SAMD8: variants seen among roughly 807,000 people sequenced by gnomAD.
The protein encoded by SAMD8 is sphingomyelin synthase-related protein 1.
A neutral mutation model predicts 42.0 loss-of-function variants in SAMD8; 20 were observed. That is an observed-to-expected ratio of 0.48 (90% CI 0.34 to 0.69). The LOEUF (loss-of-function observed/expected upper bound fraction) is 0.69. Among genes scored for constraint, SAMD8 ranks in the 30% least tolerant of loss-of-function variants. SAMD8 has a pLI of 0.01. For missense variants in SAMD8, 328 were observed against 511.6 expected, an observed-to-expected ratio of 0.64 and a Z score of 3.46; for synonymous variants, 162 against 173.0, an observed-to-expected ratio of 0.94 and a Z score of 0.50.
At chr10:75,113,608 C>T (rs530722007) in intron 1 of SAMD8, among the ~76,000 whole-genome samples, 1 of 152,158 alleles carries the variant, frequency 6.6e-6, no homozygotes, top group Non-Finnish European at 1.5e-5. Context: ...TTTGCAACAG[C>T]TTTTAAATTA....
chr10:75,167,145 T>C (rs1840703254), intron 3 of SAMD8, among the ~76,000 whole-genome samples: 1 of 152,254 alleles, frequency 6.6e-6, no homozygotes, highest in Non-Finnish European at 1.5e-5. Context: ...TTATTTGATA[T>C]ATACTTGATA....
chr10:75,114,091 T>C (rs755435144), intron 1 of SAMD8, among the ~76,000 whole-genome samples: 29 of 152,118 alleles, frequency 1.9e-4, no homozygotes, highest in Non-Finnish European at 3.1e-4. Context: ...ATCCCACCAC[T>C]TTAGGAGGCC....
At chr10:75,115,231 GT>G (rs2134415905) in intron 1 of SAMD8, among the ~76,000 whole-genome samples, 2 of 152,264 alleles carry the variant, frequency 1.3e-5, no homozygotes, top group East Asian at 3.9e-4. Context: ...TTTTGTTCTT[GT>G]TTTTGTTTTG....
At chr10:75,162,298 G>A (rs912433076) in intron 2 of SAMD8, among the ~76,000 whole-genome samples, 1 of 152,202 alleles carries the variant, frequency 6.6e-6, no homozygotes, top group Non-Finnish European at 1.5e-5. Flanking sequence ...GGTGGAGGTT[G>A]CAATGAGCCA....
chr10:75,105,408 C>G (rs1481878792), intron 1 of SAMD8, among the ~76,000 whole-genome samples: 1 of 152,106 alleles, frequency 6.6e-6, no homozygotes, highest in Non-Finnish European at 1.5e-5. Flanking sequence ...CTGAAGGATC[C>G]AGGTGGGGTG....
intron 1 of SAMD8, among the ~76,000 whole-genome samples, chr10:75,116,633 T>C (rs1848887221): frequency 1.3e-5 from 2 of 152,154 alleles, no homozygotes; most frequent in African/African-American, 4.8e-5. Context: ...ACTTTGAGAT[T>C]AAATGGAATT....
In SAMD8 at chr10:75,169,712, A is replaced by G. The variant is rs547634213; in HGVS notation, c.792+1054A>G. Among the ~76,000 whole-genome samples the G allele has an allele frequency of 2.6e-5, 4 of 152,226 alleles. No individual in the cohort carries two copies. In the East Asian group the frequency reaches 7.7e-4, roughly 29 times the overall value. ...GTGGATCACCTGAGGTCAGGAGTTA[A>G]AGACCCAGCGTGGCCAACATGGTGC... On this transcript the variant is annotated intron_variant, in intron 4 of 5. Transcript: ENST00000542569.
At chr10:75,141,634 C>T (rs1431711555) in intron 1 of SAMD8, among the ~76,000 whole-genome samples, 1 of 151,428 alleles carries the variant, frequency 6.6e-6, no homozygotes, top group African/African-American at 2.4e-5. Context: ...CTCCGTCTCC[C>T]GGGTTCACGC....
chr10:75,129,527 C>T (rs542936294), intron 1 of SAMD8, among the ~76,000 whole-genome samples: 8 of 152,254 alleles, frequency 5.3e-5, no homozygotes, highest in South Asian at 2.1e-4. Context: ...TGTGAGCCAC[C>T]GCACCCGGCC....
At position 75,169,931 on chromosome 10, in the gene SAMD8, C is replaced by G. The variant is rs140708534; in HGVS notation, c.792+1273C>G. The stretch of plus-strand genomic sequence containing the variant: ...TCTCAAAACAAAACAAACAAACAAA[C>G]AAAAAGAAAGTTGCAGTTTGACGAC... On this transcript the variant is annotated intron_variant, in intron 4 of 5. Coordinates refer to ENST00000542569, the MANE Select transcript of SAMD8 (RefSeq NM_001174156.2). 4.3e-3 allele frequency among the ~76,000 whole-genome samples: 660 copies of G among 152,184 alleles called. 3 individuals are homozygous for G. The highest frequency in any genetic ancestry group is 0.01 in the Middle Eastern group (3 of 294).
chr10:75,128,850 G>A (rs1426738278), intron 1 of SAMD8, among the ~76,000 whole-genome samples: 3 of 152,038 alleles, frequency 2.0e-5, no homozygotes, highest in Non-Finnish European at 4.4e-5. Flanking sequence ...TTTTTATCCA[G>A]CTGTTTGTAT....
At chr10:75,146,403 G>A (rs1840136678) in intron 1 of SAMD8, among the ~76,000 whole-genome samples, 1 of 146,674 alleles carries the variant, frequency 6.8e-6, no homozygotes, top group Non-Finnish European at 1.5e-5. Flanking sequence ...TTCTGCCTCA[G>A]CCTCCCAAGT....
chr10:75,134,224 T>G lies in SAMD8; in HGVS notation c.-15-16290T>G, dbSNP rs529237769. Among the ~76,000 whole-genome samples, 13 of 152,214 alleles carry G rather than the reference T, an allele frequency of 8.5e-5. No homozygotes were observed. The South Asian group carries it at 2.3e-3, about 27-fold the overall frequency. ...GAGGGAGAACATCAGGATAAATAGC[T>G]AATGCGTGCAGGGCTTAATACCTAG... On this transcript the variant is annotated intron_variant, in intron 1 of 5. Coordinates refer to ENST00000542569, the MANE Select transcript of SAMD8 (RefSeq NM_001174156.2).
intron 1 of SAMD8, among the ~76,000 whole-genome samples, chr10:75,116,902 C>T (rs976164792): frequency 1.5e-4 from 23 of 151,754 alleles, no homozygotes; most frequent in Non-Finnish European, 7.4e-5. Flanking sequence ...CTTCGCCTCC[C>T]GGGTTCAAGC....
At position 75,181,489 on chromosome 10, in the gene SAMD8, C is replaced by T. The variant is rs528752328; in HGVS notation, c.*4797C>T. The T allele has an allele frequency of 6.6e-6, 1 of 152,320 alleles. No homozygotes were observed. Among genetic ancestry groups the T allele is most frequent in the African/African-American group, 2.4e-5 (1 of 41,580 alleles). The allele number at this position is 152,320 out of a possible 1,614,324, so 9.4% of individuals were successfully genotyped here. On this transcript the variant is annotated 3_prime_UTR_variant, in exon 6 of 6. Transcript: ENST00000542569. Reference sequence around the variant, plus strand: ...TAAAATGTGACCAATTACTTTGCTTCAAGTTCTATACAAATATCTCTGAAA... The same window carrying T: ...TAAAATGTGACCAATTACTTTGCTTTAAGTTCTATACAAATATCTCTGAAA...
At chr10:75,113,072 T>G (rs1848809862) in intron 1 of SAMD8, among the ~76,000 whole-genome samples, 1 of 152,084 alleles carries the variant, frequency 6.6e-6, no homozygotes, top group African/African-American at 2.4e-5. Context: ...TTTAGTAGAG[T>G]GATTTGGAAA....
intron 1 of SAMD8, among the ~76,000 whole-genome samples, chr10:75,116,935 C>T (rs2134418905): frequency 6.6e-6 from 1 of 151,990 alleles, no homozygotes; most frequent in African/African-American, 2.4e-5. Context: ...TCAGCCTCCC[C>T]AGTAGCTGGG....
chr10:75,164,816 T>C (rs931358722), intron 3 of SAMD8, 76 bp downstream of exon 3: 38 of 1,076,456 alleles, frequency 3.5e-5, no homozygotes, highest in Non-Finnish European at 4.8e-5. Context: ...AACCTTTCTC[T>C]TTGCAGTTTC....
At chr10:75,140,646 G>A (rs1839989836) in intron 1 of SAMD8, among the ~76,000 whole-genome samples, 1 of 152,232 alleles carries the variant, frequency 6.6e-6, no homozygotes, top group South Asian at 2.1e-4. Flanking sequence ...TGGGAAAAGA[G>A]GAGGCCATGC....
Sources: allele counts gnomAD v4.1 joint callset (sites outside exome capture counted in the v4.1 genomes callset), GRCh38; gene constraint gnomAD v4.1.1; transcripts MANE v1.5; gene names NCBI Gene and HGNC (gene_info 2026-07-23, HGNC 2026-07-21).